The following PAPPA variants were observed in gnomAD, a reference collection of about 807,000 sequenced individuals.
The protein encoded by PAPPA is pappalysin 1, also known as pappalysin-1.
PAPPA carries 60 observed loss-of-function variants against 164.0 expected under a neutral mutation model. The observed-to-expected ratio is 0.37, with a 90% CI of 0.30 to 0.45. The LOEUF (loss-of-function observed/expected upper bound fraction) is 0.45, where lower values mean the gene tolerates loss of function less well. Ranked by LOEUF, PAPPA falls within the 20% of genes least tolerant of loss-of-function variation. The probability of loss-of-function intolerance (pLI) is 1.00; values close to 1 mark genes in which losing one functional copy is unlikely to be tolerated. For missense variants in PAPPA, 1,782 were observed against 2,087.3 expected, an observed-to-expected ratio of 0.85 and a Z score of 2.85; for synonymous variants, 875 against 814.1, an observed-to-expected ratio of 1.07 and a Z score of -1.27.
chr9:116,291,035 A>G (rs1474940440), intron 9 of PAPPA, among the ~76,000 whole-genome samples: 1 of 152,168 alleles, frequency 6.6e-6, no homozygotes, highest in Non-Finnish European at 1.5e-5. Flanking sequence ...ATTGAAACCC[A>G]AAAGAGAACT....
At chr9:116,395,538 G>A (rs1178617342) in intron 21 of PAPPA, among the ~76,000 whole-genome samples, 1 of 152,208 alleles carries the variant, frequency 6.6e-6, no homozygotes, top group East Asian at 1.9e-4. Flanking sequence ...GTTAGTTCAG[G>A]TGGGGACTCA....
In PAPPA at chr9:116,359,838, T is replaced by C. The variant is rs367703680; in HGVS notation, c.4348-2754T>C. 3.3e-5 allele frequency among the ~76,000 whole-genome samples: 5 copies of C among 152,224 alleles called. 1 individual carries two copies. The highest frequency in any genetic ancestry group is 2.6e-4 in the Admixed American group (4 of 15,292). ...AGCTAGAAATGTCATCTGGATTCCA[T>C]TGTAGAAGCCCTGAAGTGCCAACCT... On this transcript the variant is annotated intron_variant, in intron 17 of 21. Transcript: ENST00000328252.
chr9:116,241,983 G>C (rs1388953824), intron 7 of PAPPA, among the ~76,000 whole-genome samples: 2 of 151,850 alleles, frequency 1.3e-5, no homozygotes, highest in African/African-American at 4.8e-5. Context: ...CCATCAACTA[G>C]TGAAAATCTA....
chr9:116,236,443 T>G (rs1301370477), intron 7 of PAPPA, among the ~76,000 whole-genome samples: 1 of 151,858 alleles, frequency 6.6e-6, no homozygotes, highest in Non-Finnish European at 1.5e-5. Context: ...AAAAATTAGC[T>G]GGGTGTGGTG....
intron 4 of PAPPA, among the ~76,000 whole-genome samples, chr9:116,218,273 TA>T (rs1168868307): frequency 3.9e-5 from 6 of 152,192 alleles, no homozygotes; most frequent in Non-Finnish European, 8.8e-5. Flanking sequence ...GCACCTTCCC[TA>T]AGCTGGATTC....
Position 116,187,788 on chromosome 9 carries a change from C to A in PAPPA, c.1050C>A (p.Pro350=), listed in dbSNP as rs1843992824. 1.2e-6 allele frequency: 2 copies of A among 1,614,144 alleles called. No individual in the cohort carries two copies. The highest frequency in any genetic ancestry group is 2.7e-5 in the African/African-American group (2 of 74,954). ...ATCAGCTCTCAAGTTTCCGCCAGCCCAAGGTGGTGCGCTACCGCGTGGTCA... is the reference window on the plus strand; with the variant it reads ...ATCAGCTCTCAAGTTTCCGCCAGCCAAAGGTGGTGCGCTACCGCGTGGTCA... ...SYNQLSSFRQ[P]KVVRYRVVNL... Residue 350 remains proline, a synonymous_variant, in exon 2 of 22, where the codon CCC becomes CCA. Coordinates refer to ENST00000328252, the MANE Select transcript of PAPPA (RefSeq NM_002581.5). This position sits in a 1 kb window ranked among gnomAD's most constrained non-coding sequence, Gnocchi z 4.2.
At chr9:116,270,234 A>G (rs1845121160) in intron 8 of PAPPA, among the ~76,000 whole-genome samples, 1 of 152,218 alleles carries the variant, frequency 6.6e-6, no homozygotes, top group South Asian at 2.1e-4. Flanking sequence ...ACTCAGAGGC[A>G]TAGGACTAAT....
At chr9:116,212,932 C>A (rs547584251) in intron 4 of PAPPA, among the ~76,000 whole-genome samples, 1 of 152,328 alleles carries the variant, frequency 6.6e-6, no homozygotes, top group African/African-American at 2.4e-5. Flanking sequence ...GAACTATCCC[C>A]ACTCTACAGA....
intron 17 of PAPPA, among the ~76,000 whole-genome samples, chr9:116,360,953 G>A (rs569623848): frequency 5.3e-5 from 8 of 152,310 alleles, no homozygotes; most frequent in Middle Eastern, 3.4e-3. Flanking sequence ...GAGCAGGATG[G>A]GTTGTGCCAG....
chr9:116,328,135 C>A (rs892219208), intron 10 of PAPPA, among the ~76,000 whole-genome samples: 2 of 152,158 alleles, frequency 1.3e-5, no homozygotes, highest in Non-Finnish European at 2.9e-5. Context: ...AGAGATAAGA[C>A]CCCCAATCCA....
chr9:116,304,146 G>T (rs1039120473), intron 10 of PAPPA, among the ~76,000 whole-genome samples: 1 of 152,184 alleles, frequency 6.6e-6, no homozygotes, highest in African/African-American at 2.4e-5. Context: ...CTGTGTGGTT[G>T]CATTTATCAT....
chr9:116,247,492 G>A (rs562237421), intron 7 of PAPPA, among the ~76,000 whole-genome samples: 90 of 152,330 alleles, frequency 5.9e-4, no homozygotes, highest in African/African-American at 2.1e-3. Context: ...AGGTTGCAAT[G>A]TGTGTCCTGG....
intron 5 of PAPPA, among the ~76,000 whole-genome samples, chr9:116,226,796 A>G (rs1020081780): frequency 6.6e-6 from 1 of 152,262 alleles, no homozygotes; most frequent in African/African-American, 2.4e-5. Flanking sequence ...GACTGGTCCC[A>G]TTGAGGGATT....
At chr9:116,247,166 A>G (rs1381700683) in intron 7 of PAPPA, among the ~76,000 whole-genome samples, 1 of 152,192 alleles carries the variant, frequency 6.6e-6, no homozygotes. Flanking sequence ...AGCAATTGTT[A>G]TATGTCCAAA....
At chr9:116,320,222 C>T (rs1183565153) in intron 10 of PAPPA, among the ~76,000 whole-genome samples, 2 of 152,162 alleles carry the variant, frequency 1.3e-5, no homozygotes, top group African/African-American at 2.4e-5. Context: ...CAGGGGTTTG[C>T]ACCCTAAATC....
At chr9:116,169,575 C>T (rs1349878702) in intron 1 of PAPPA, among the ~76,000 whole-genome samples, 2 of 151,734 alleles carry the variant, frequency 1.3e-5, no homozygotes, top group Non-Finnish European at 2.9e-5. Context: ...CCACCTTGGC[C>T]TCCCAAAGTG....
At chr9:116,233,211 G>A (rs914086340) in intron 6 of PAPPA, among the ~76,000 whole-genome samples, 1 of 152,246 alleles carries the variant, frequency 6.6e-6, no homozygotes, top group South Asian at 2.1e-4. Flanking sequence ...GGCGTTGAGC[G>A]AAGCAGTGCT....
chr9:116,321,030 ATT>A (rs373269177), intron 10 of PAPPA, among the ~76,000 whole-genome samples: 12 of 142,960 alleles, frequency 8.4e-5, no homozygotes, highest in African/African-American at 1.0e-4. Context: ...GTTGTTATAC[ATT>A]TTTTTTTTTT....
intron 7 of PAPPA, among the ~76,000 whole-genome samples, chr9:116,259,511 A>G (rs931661226): frequency 8.5e-5 from 13 of 152,254 alleles, no homozygotes; most frequent in Admixed American, 6.5e-5. Flanking sequence ...ATGCATGACT[A>G]GAAACCTACT....
Sources: allele counts gnomAD v4.1 joint callset (sites outside exome capture counted in the v4.1 genomes callset), GRCh38; gene constraint gnomAD v4.1.1; non-coding constraint Gnocchi (gnomAD v3.1); transcripts MANE v1.5; gene names NCBI Gene and HGNC (gene_info 2026-07-23, HGNC 2026-07-21).